DPH6: variants seen among roughly 807,000 people sequenced by gnomAD.
DPH6 encodes diphthine--ammonia ligase.
DPH6 carries 33 observed loss-of-function variants against 38.2 expected under a neutral mutation model. That is an observed-to-expected ratio of 0.86 (90% CI 0.65 to 1.15). The LOEUF is 1.15. Among genes scored for constraint, DPH6 ranks in the 50% most tolerant of loss-of-function variants. The pLI is 0.00. For synonymous variants in DPH6, 108 were observed against 103.0 expected (o/e 1.05, Z -0.30); for missense variants, 325 against 320.0 (o/e 1.02, Z -0.12).
chr15:35,451,539 G>A (rs940258148), intron 4 of DPH6, among the ~76,000 whole-genome samples: 13 of 152,012 alleles, frequency 8.6e-5, no homozygotes, highest in African/African-American at 2.9e-4. Context: ...CCTTTTCTTC[G>A]CATTCCACAT....
chr15:35,537,621 T>C (rs892485222), intron 3 of DPH6, among the ~76,000 whole-genome samples: 2 of 152,150 alleles, frequency 1.3e-5, no homozygotes, highest in Non-Finnish European at 2.9e-5. Flanking sequence ...TCTTACATTC[T>C]GTGACTTATG....
intron 3 of DPH6, among the ~76,000 whole-genome samples, chr15:35,491,723 GTA>G (rs3028969): frequency 0.63 from 94,555 of 150,230 alleles, 33,273 homozygotes; most frequent in South Asian, 0.82. Context: ...ATATGTAGAT[GTA>G]TATATCTAGA....
chr15:35,538,098 A>G, intron 3 of DPH6, 176 bp downstream of exon 3: 1 of 426,050 alleles, frequency 2.3e-6, no homozygotes, highest in Non-Finnish European at 4.1e-6. Context: ...ATATCATTTA[A>G]TATAAAGGCA....
At chr15:35,356,299 T>C (rs976211332) in intron 3 of DPH6, among the ~76,000 whole-genome samples, 16 of 152,212 alleles carry the variant, frequency 1.1e-4, no homozygotes, top group African/African-American at 3.6e-4. Context: ...AGTCATTCTC[T>C]GTCCAGCTTT....
At chr15:35,463,360 T>C (rs1041899254) in intron 3 of DPH6, among the ~76,000 whole-genome samples, 6 of 36,312 alleles carry the variant, frequency 1.7e-4, no homozygotes, top group Non-Finnish European at 3.0e-4. Flanking sequence ...ATAAAAATAA[T>C]TGTAAATGTG....
chr15:35,330,801 ATCAT>A (rs1875375657), exon 4 of DPH6: 1 of 152,214 alleles, frequency 6.6e-6, no homozygotes, highest in Admixed American at 6.5e-5. Context: ...GTCAATGCTA[ATCAT>A]TAAACATCAT....
downstream of DPH6, among the ~76,000 whole-genome samples, chr15:35,216,056 G>T (rs947551860): frequency 6.6e-6 from 1 of 152,224 alleles, no homozygotes; most frequent in Non-Finnish European, 1.5e-5. Context: ...CAGTTTCAGA[G>T]AGTTAAATAG....
At chr15:35,398,125 C>T (rs1422901945) in intron 6 of DPH6, among the ~76,000 whole-genome samples, 1 of 152,148 alleles carries the variant, frequency 6.6e-6, no homozygotes, top group Admixed American at 6.5e-5. Context: ...CAAGATGGAG[C>T]TCCCAATACT....
intron 5 of DPH6, among the ~76,000 whole-genome samples, chr15:35,445,914 T>C (rs991510105): frequency 6.6e-6 from 1 of 152,210 alleles, no homozygotes; most frequent in Non-Finnish European, 1.5e-5. Context: ...CTCCAGTAAA[T>C]TGTGTATCAC....
Position 35,371,821 on chromosome 15 carries a change from A to G in DPH6, c.*329T>C, listed in dbSNP as rs981025164. 3.1e-5 allele frequency: 32 copies of G among 1,025,170 alleles called. No homozygotes were observed. Among genetic ancestry groups the G allele is most frequent in the East Asian group, 1.0e-4 (1 of 10,038 alleles). The allele number at this position is 1,025,170 out of a possible 1,614,324, so 63.5% of individuals were successfully genotyped here. On this transcript the variant is annotated 3_prime_UTR_variant, in exon 9 of 9. Coordinates refer to ENST00000256538, the MANE Select transcript of DPH6 (RefSeq NM_080650.4). The stretch of plus-strand genomic sequence containing the variant: ...GTAGGGATTGGAGCAAGAAAGAGAG[A>G]AGGAGGAAAAGAAACTAGTGTGATA...
the DPH6 span, among the ~76,000 whole-genome samples, chr15:35,186,152 C>G: frequency 4.3e-3 from 662 of 152,204 alleles, 3 homozygotes; most frequent in African/African-American, 0.015. Flanking sequence ...GCCATATACC[C>G]TACTATAACA....
At chr15:35,336,684 T>C (rs2052375688) in intron 3 of DPH6, among the ~76,000 whole-genome samples, 1 of 152,236 alleles carries the variant, frequency 6.6e-6, no homozygotes, top group South Asian at 2.1e-4. Flanking sequence ...AAAGGCCTTT[T>C]CTGCATCCAT....
chr15:35,476,474 C>A (rs146964872), intron 3 of DPH6, among the ~76,000 whole-genome samples: 3 of 151,880 alleles, frequency 2.0e-5, no homozygotes, highest in African/African-American at 7.2e-5. Flanking sequence ...TAGAAATGAC[C>A]TTTAATTCTG....
At chr15:35,227,218 C>T (rs1455991149) in intron 3 of DPH6, among the ~76,000 whole-genome samples, 5 of 106,474 alleles carry the variant, frequency 4.7e-5, no homozygotes, top group Non-Finnish European at 8.6e-5. Context: ...GAGTCTTGCT[C>T]TGTCACCCAG....
chr15:35,165,987 G>T, the DPH6 span, among the ~76,000 whole-genome samples: 1 of 151,902 alleles, frequency 6.6e-6, no homozygotes, highest in African/African-American at 2.4e-5. Context: ...AGATTAAACT[G>T]CCTAACACAC....
the DPH6 span, among the ~76,000 whole-genome samples, chr15:35,160,629 C>T: frequency 6.6e-6 from 1 of 151,750 alleles, no homozygotes; most frequent in African/African-American, 2.4e-5. Context: ...AAGTAGGCCC[C>T]CGGGTCTATT....
chr15:35,352,700 T>G (rs2052525823), intron 3 of DPH6, among the ~76,000 whole-genome samples: 1 of 152,224 alleles, frequency 6.6e-6, no homozygotes, highest in Non-Finnish European at 1.5e-5. Flanking sequence ...TTTGGCTTGG[T>G]TCCAAGTCTT....
At chr15:35,346,298 AAG>A (rs1491366000) in intron 3 of DPH6, among the ~76,000 whole-genome samples, 2 of 151,968 alleles carry the variant, frequency 1.3e-5, no homozygotes, top group Non-Finnish European at 2.9e-5. Context: ...CTACTCTTGG[AAG>A]TGTGTGAAGG....
chr15:35,416,558 A>G (rs1464703751), intron 5 of DPH6, among the ~76,000 whole-genome samples: 1 of 152,084 alleles, frequency 6.6e-6, no homozygotes, highest in Admixed American at 6.6e-5. Context: ...ATGGATTTTT[A>G]TACTTTAATT....
Sources: allele counts gnomAD v4.1 joint callset (sites outside exome capture counted in the v4.1 genomes callset), GRCh38; gene constraint gnomAD v4.1.1; transcripts MANE v1.5; gene names NCBI Gene and HGNC (gene_info 2026-07-23, HGNC 2026-07-21).